Variants in IARS2 observed in about 807,000 individuals in gnomAD.
IARS2 encodes isoleucine--tRNA ligase, mitochondrial.
Under a neutral mutation model 126.3 loss-of-function variants are expected in IARS2, and 56 were observed. That is an observed-to-expected ratio of 0.44 (90% CI 0.36 to 0.55). IARS2 has a LOEUF of 0.55. Ranked by LOEUF, IARS2 falls within the 20% of genes least tolerant of loss-of-function variation. IARS2 has a pLI of 0.00. For missense variants in IARS2, 1,127 were observed against 1,245.9 expected (o/e 0.90, Z 1.44); for synonymous variants, 407 against 441.1 (o/e 0.92, Z 0.97).
chr1:220,123,714 T>A (rs1337327484), intron 12 of IARS2, among the ~76,000 whole-genome samples: 1 of 152,134 alleles, frequency 6.6e-6, no homozygotes, highest in Non-Finnish European at 1.5e-5. Context: ...CCTGAGCTCG[T>A]GATCCGCCCG....
intron 2 of IARS2, among the ~76,000 whole-genome samples, chr1:220,096,436 A>G (rs2102815435): frequency 6.6e-6 from 1 of 152,354 alleles, no homozygotes; most frequent in African/African-American, 2.4e-5. Context: ...AGTAAACATC[A>G]TCTTATTCAG....
chr1:220,112,318 T>C lies in IARS2; in HGVS notation c.1479+1381T>C, dbSNP rs563776427. Among the ~76,000 whole-genome samples, 8 of 112,818 alleles carry C rather than the reference T, an allele frequency of 7.1e-5. 2 individuals are homozygous for C. The highest frequency in any genetic ancestry group is 9.2e-5 in the Admixed American group (1 of 10,836). The allele number at this position is 112,818 out of a possible 152,430, so 74.0% of individuals were successfully genotyped here. A position where few individuals can be genotyped will look rare whatever the true frequency, so the allele number is the denominator to read the frequency against. Reference sequence around the variant, plus strand: ...CCCGGCTAATTTTTTGTATTTTTAGTAGAGACGGGGTTTCACCTTGTTAGC... The same window carrying C: ...CCCGGCTAATTTTTTGTATTTTTAGCAGAGACGGGGTTTCACCTTGTTAGC... On this transcript the variant is annotated intron_variant, in intron 11 of 22. Coordinates refer to ENST00000366922, the MANE Select transcript of IARS2 (RefSeq NM_018060.4).
At chr1:220,142,000 G>T in intron 20 of IARS2, 52 bp downstream of exon 20, 1 of 1,547,222 alleles carries the variant, frequency 6.5e-7, no homozygotes, top group South Asian at 1.2e-5. Flanking sequence ...TGATCAAGGT[G>T]CAACTTCTAC....
In IARS2 at chr1:220,103,547, A is replaced by G; in HGVS notation, c.1051A>G (p.Ile351Val). ...TACTTTGGAAACAACATTTGAGACT[A>G]TTTCAACACTTTCAGGTGAAGATTT... ...ASTLETTFETISTLSGVDLEN... is the reference protein window; with the variant it reads ...ASTLETTFETVSTLSGVDLEN... Residue 351 changes from isoleucine to valine, a missense_variant, in exon 8 of 23, where the codon ATT (isoleucine) becomes GTT (valine). Transcript: ENST00000366922. The G allele has an allele frequency of 6.2e-7, 1 of 1,605,352 alleles. No individual in the cohort carries two copies. Among genetic ancestry groups the G allele is most frequent in the Non-Finnish European group, 8.5e-7 (1 of 1,172,172 alleles).
chr1:220,147,798 T>A lies in IARS2; in HGVS notation c.*163T>A. On this transcript the variant is annotated 3_prime_UTR_variant, in exon 23 of 23. Transcript: ENST00000366922. ...TCAGAATTATAGAAGAAGTATTTCC[T>A]GTAACTATAGAAAGAATTATGTATA... 1.6e-6 allele frequency: 1 copy of A among 641,694 alleles called. No homozygotes were observed. The highest frequency in any genetic ancestry group is 2.7e-6 in the Non-Finnish European group (1 of 375,186). 39.8% of individuals were successfully genotyped at this position (641,694 alleles called of 1,614,324 possible).
At chr1:220,128,945 A>T (rs1036952539) in intron 14 of IARS2, among the ~76,000 whole-genome samples, 5 of 150,778 alleles carry the variant, frequency 3.3e-5, no homozygotes, top group African/African-American at 1.2e-4. Context: ...TCTGTTGCCC[A>T]GGATGGAGTG....
Position 220,142,984 on chromosome 1 carries a change from T to C in IARS2, c.2601T>C (p.Ser867=), listed in dbSNP as rs527760715. Residue 867 remains serine (S), a synonymous_variant, in exon 21 of 23, where the codon AGT becomes AGC. Coordinates refer to ENST00000366922, the MANE Select transcript of IARS2 (RefSeq NM_018060.4). ...TCCGTACTGGGTGGATTAGTACTAG[T>C]TCTATCTGGAAAAAGCCCGGGTTGG... is the stretch of plus-strand genomic sequence containing the variant. ...SVFRTGWIST[S]SIWKKPGLEE... The C allele has an allele frequency of 8.1e-6, 13 of 1,614,100 alleles. No individual in the cohort carries two copies. The South Asian group carries it at 9.9e-5, about 12-fold the overall frequency.
chr1:220,143,355 T>A (rs761810218), intron 21 of IARS2: 217 of 336,042 alleles, frequency 6.5e-4, no homozygotes, highest in Non-Finnish European at 1.0e-3. Context: ...GTGTCTAAAT[T>A]AAAAAAAAAT....
Position 220,140,192 on chromosome 1 carries a change from T to C in IARS2, c.2317T>C (p.Leu773=). The change falls in exon 19 of 23, where the codon TTA becomes CTA. Residue 773 remains leucine, a synonymous_variant. Coordinates refer to ENST00000366922, the MANE Select transcript of IARS2 (RefSeq NM_018060.4). Reference sequence around the variant, plus strand: ...TGGCTTTGTTCCCTAGATTACCGAATTATACAAACAATATGATTTTGGAAA... The same window carrying C: ...TGGCTTTGTTCCCTAGATTACCGAACTATACAAACAATATGATTTTGGAAA... The part of the protein sequence containing the change: ...LQDLANKITE[L]YKQYDFGKVV... The C allele has an allele frequency of 6.2e-7, 1 of 1,606,938 alleles. No individual in the cohort carries two copies. The highest frequency in any genetic ancestry group is 1.7e-4 in the Middle Eastern group (1 of 6,038).
chr1:220,100,052 A>G (rs566265239), intron 2 of IARS2, among the ~76,000 whole-genome samples: 1 of 152,306 alleles, frequency 6.6e-6, no homozygotes, highest in East Asian at 1.9e-4. Flanking sequence ...TGATTCCTCC[A>G]TTCAACTATA....
At chr1:220,123,752 C>T (rs1364738741) in intron 12 of IARS2, among the ~76,000 whole-genome samples, 1 of 152,226 alleles carries the variant, frequency 6.6e-6, no homozygotes, top group African/African-American at 2.4e-5. Context: ...GCTGGGATTA[C>T]AGGCGTGAGC....
chr1:220,103,313 G>T (rs1449491887), intron 7 of IARS2, 134 bp from the exon 8 acceptor site: 2 of 587,564 alleles, frequency 3.4e-6, no homozygotes, highest in Non-Finnish European at 6.1e-6. Flanking sequence ...CTCCCAAAGT[G>T]CTGGGATTAT....
At chr1:220,131,057 G>A (rs974008284) in intron 14 of IARS2, among the ~76,000 whole-genome samples, 4 of 152,114 alleles carry the variant, frequency 2.6e-5, no homozygotes, top group Non-Finnish European at 4.4e-5. Context: ...GTATTGCTTT[G>A]ACTATTTGGG....
At chr1:220,104,193 T>C (rs1263686920) in intron 8 of IARS2, among the ~76,000 whole-genome samples, 1 of 152,204 alleles carries the variant, frequency 6.6e-6, no homozygotes, top group East Asian at 1.9e-4. Flanking sequence ...CCCAGACTGG[T>C]CTGGAATTCC....
At chr1:220,111,300 C>T (rs1166581013) in intron 11 of IARS2, among the ~76,000 whole-genome samples, 1 of 152,096 alleles carries the variant, frequency 6.6e-6, no homozygotes, top group Non-Finnish European at 1.5e-5. Context: ...ATGCGTATCT[C>T]ATGGAGTAAG....
At chr1:220,144,156 G>A in intron 21 of IARS2, 1 of 804,574 alleles carries the variant, frequency 1.2e-6, no homozygotes, top group South Asian at 1.3e-5. Flanking sequence ...GCCTGCCTGT[G>A]AGGTTCACAA....
chr1:220,101,111 A>C (rs187747571), intron 3 of IARS2, among the ~76,000 whole-genome samples: 6 of 152,232 alleles, frequency 3.9e-5, no homozygotes, highest in Admixed American at 3.9e-4. Context: ...TGTAACTGTG[A>C]AGATTTTTTT....
chr1:220,142,916 G>A (rs768036214), intron 20 of IARS2, 28 bp from the exon 21 acceptor site: 14 of 1,528,092 alleles, frequency 9.2e-6, no homozygotes, highest in Non-Finnish European at 1.3e-5. Flanking sequence ...TGTTTGTAAA[G>A]CAGTTTACTA....
intron 3 of IARS2, among the ~76,000 whole-genome samples, chr1:220,101,918 G>A (rs1013423021): frequency 2.0e-5 from 3 of 152,040 alleles, no homozygotes; most frequent in Admixed American, 6.5e-5. Context: ...GGAGAATGGC[G>A]TGAACCCGGG....
Sources: gnomAD v4.1 joint callset for allele counts (sites outside exome capture counted in the v4.1 genomes callset) on GRCh38, gnomAD v4.1.1 for gene constraint, MANE v1.5 for transcripts, NCBI Gene and HGNC (gene_info 2026-07-23, HGNC 2026-07-21) for gene names.